Variants in KIAA1217 observed in about 807,000 individuals in gnomAD.
The protein encoded by KIAA1217 is sickle tail protein homolog.
In KIAA1217, 88 loss-of-function variants were observed where a neutral mutation model predicts 163.9. That is an observed-to-expected ratio of 0.54 (90% CI 0.45 to 0.64). The LOEUF (loss-of-function observed/expected upper bound fraction) is 0.64. Among genes scored for constraint, KIAA1217 ranks in the 30% least tolerant of loss-of-function variants. The probability of loss-of-function intolerance (pLI) is 0.00; values close to 1 mark genes in which losing one functional copy is unlikely to be tolerated. For missense variants in KIAA1217, 2,372 were observed against 2,475.0 expected (o/e 0.96, Z 0.88); for synonymous variants, 903 against 923.1 (o/e 0.98, Z 0.39).
intron 1 of KIAA1217, among the ~76,000 whole-genome samples, chr10:23,864,248 T>C (rs1301941426): frequency 4.6e-5 from 7 of 151,950 alleles, no homozygotes; most frequent in Non-Finnish European, 1.0e-4. Flanking sequence ...TGCCCTGAAA[T>C]GAACTTACCT....
Position 24,543,972 on chromosome 10 carries a change from A to G in KIAA1217, c.4702A>G (p.Ser1568Gly). The G allele has an allele frequency of 6.2e-7, 1 of 1,614,144 alleles. No homozygotes were observed. The highest frequency in any genetic ancestry group is 8.5e-7 in the Non-Finnish European group (1 of 1,180,032). The change falls in exon 19 of 21, where the codon AGC becomes GGC. Residue 1568 changes from serine (S) to glycine (G), a missense_variant. Around this residue, in one of 3 missense-constraint regions of KIAA1217, gnomAD observed 690 missense variants for 677.5 expected, o/e 1.02. Transcript: ENST00000376454. The stretch of plus-strand genomic sequence containing the variant: ...GGACGCGACCGATGACCAGTTTGAA[A>G]GCCCCAAGAAAAAGTTTAAATTCAA... ...GEDATDDQFE[S>G]PKKKFKFKFP...
chr10:23,988,448 A>G (rs1450842837), intron 1 of KIAA1217, among the ~76,000 whole-genome samples: 1 of 152,174 alleles, frequency 6.6e-6, no homozygotes, highest in Non-Finnish European at 1.5e-5. Flanking sequence ...CACCCTTTCA[A>G]CATTTCTTTA....
At chr10:24,516,043 C>T (rs2070091129) in intron 10 of KIAA1217, among the ~76,000 whole-genome samples, 2 of 152,204 alleles carry the variant, frequency 1.3e-5, no homozygotes, top group Admixed American at 6.5e-5. Flanking sequence ...TGCATTCCAG[C>T]ATGGATATCA....
chr10:23,937,017 C>A (rs943576592), intron 1 of KIAA1217, among the ~76,000 whole-genome samples: 1 of 152,060 alleles, frequency 6.6e-6, no homozygotes, highest in African/African-American at 2.4e-5. Flanking sequence ...TAGCTAGGAC[C>A]ATAGGCACCT....
At chr10:23,794,979 G>A (rs1030057171) in intron 1 of KIAA1217, among the ~76,000 whole-genome samples, 5 of 152,170 alleles carry the variant, frequency 3.3e-5, no homozygotes, top group African/African-American at 1.2e-4. Context: ...TCCTTTGTAG[G>A]AGAGCTGGGA....
intron 2 of KIAA1217, among the ~76,000 whole-genome samples, chr10:24,164,912 G>A (rs2065276809): frequency 6.6e-6 from 1 of 152,174 alleles, no homozygotes; most frequent in Non-Finnish European, 1.5e-5. Flanking sequence ...CTCTCCCCTG[G>A]AGACAGGAAG....
intron 2 of KIAA1217, among the ~76,000 whole-genome samples, chr10:24,284,034 C>T (rs991320105): frequency 2.6e-5 from 4 of 151,892 alleles, no homozygotes; most frequent in African/African-American, 4.8e-5. Flanking sequence ...CTCAGCCTCC[C>T]GAGTAGCAGG....
At chr10:24,438,820 A>G (rs557446684) in intron 5 of KIAA1217, among the ~76,000 whole-genome samples, 10 of 152,334 alleles carry the variant, frequency 6.6e-5, no homozygotes, top group Non-Finnish European at 1.0e-4. Context: ...TTCTCCAATT[A>G]AAGCAAACCT....
intron 1 of KIAA1217, among the ~76,000 whole-genome samples, chr10:23,968,224 C>T (rs530970377): frequency 1.5e-3 from 233 of 152,124 alleles, no homozygotes; most frequent in Non-Finnish European, 3.0e-3. Context: ...TCAAAGGCAA[C>T]GCTTAAAACA....
chr10:23,940,460 C>CAAAAAAA (rs760090400), intron 1 of KIAA1217, among the ~76,000 whole-genome samples: 2,620 of 40,248 alleles, frequency 0.065, no homozygotes, highest in Non-Finnish European at 0.11. Context: ...GACTCCGTCT[C>CAAAAAAA]AAAAAAAAAA....
rs921796899 is a variant in KIAA1217 at position 24,053,411 on chromosome 10, C to T, written c.-171+46037C>T. Among the ~76,000 whole-genome samples, 33 of 151,828 alleles carry T rather than the reference C, an allele frequency of 2.2e-4. 1 individual carries two copies. The highest frequency in any genetic ancestry group is 8.8e-5 in the Non-Finnish European group (6 of 67,968). On this transcript the variant is annotated intron_variant, in intron 2 of 18. Coordinates refer to the KIAA1217 transcript ENST00000376462. Reference sequence around the variant, plus strand: ...CTTGTGTCTGACAGCTTATCATATGCGTTATGAATATATATATATAGCATT... The same window carrying T: ...CTTGTGTCTGACAGCTTATCATATGTGTTATGAATATATATATATAGCATT...
chr10:23,935,989 A>G (rs1322102281), intron 1 of KIAA1217, among the ~76,000 whole-genome samples: 1 of 152,192 alleles, frequency 6.6e-6, no homozygotes, highest in Non-Finnish European at 1.5e-5. Context: ...GCAGGACCTA[A>G]TAGGAGCCAT....
chr10:23,887,423 C>T (rs894536193), intron 1 of KIAA1217, among the ~76,000 whole-genome samples: 4 of 151,824 alleles, frequency 2.6e-5, no homozygotes, highest in Non-Finnish European at 5.9e-5. Flanking sequence ...AGAAACACAG[C>T]TATAGGCGAC....
chr10:24,480,424 G>A (rs935922657), intron 6 of KIAA1217, among the ~76,000 whole-genome samples: 10 of 152,180 alleles, frequency 6.6e-5, no homozygotes, highest in African/African-American at 2.2e-4. Flanking sequence ...TTGTTCAGAG[G>A]CAGTAACTTG....
At chr10:23,844,428 C>T (rs1838926345) in intron 1 of KIAA1217, among the ~76,000 whole-genome samples, 1 of 152,190 alleles carries the variant, frequency 6.6e-6, no homozygotes, top group East Asian at 1.9e-4. Flanking sequence ...GATATAGCTT[C>T]TCTCCCCTAC....
chr10:24,244,989 T>G (rs1027662011), intron 2 of KIAA1217, among the ~76,000 whole-genome samples: 2 of 152,100 alleles, frequency 1.3e-5, no homozygotes, highest in African/African-American at 4.8e-5. Flanking sequence ...ATATTATGCA[T>G]TTGGAGAAGC....
intron 2 of KIAA1217, among the ~76,000 whole-genome samples, chr10:24,287,593 A>G (rs1211350551): frequency 6.6e-6 from 1 of 152,164 alleles, no homozygotes; most frequent in Non-Finnish European, 1.5e-5. Flanking sequence ...TACAGTCTCA[A>G]CTCTATCACT....
At chr10:24,159,680 G>C (rs2065032784) in intron 2 of KIAA1217, among the ~76,000 whole-genome samples, 1 of 152,108 alleles carries the variant, frequency 6.6e-6, no homozygotes, top group African/African-American at 2.4e-5. Flanking sequence ...CTGCTCAGGA[G>C]GCTGTGGCAG....
At chr10:24,046,699 A>G (rs1343717747) in intron 2 of KIAA1217, among the ~76,000 whole-genome samples, 1 of 152,218 alleles carries the variant, frequency 6.6e-6, no homozygotes, top group African/African-American at 2.4e-5. Context: ...ACTTCCCCTG[A>G]CACATGGGAA....
Sources: allele counts gnomAD v4.1 joint callset (sites outside exome capture counted in the v4.1 genomes callset), GRCh38; gene constraint gnomAD v4.1.1; regional missense constraint gnomAD v4.1.1; transcripts MANE v1.5; gene names NCBI Gene and HGNC (gene_info 2026-07-23, HGNC 2026-07-21).